The following RIC1 variants were observed in gnomAD, a reference collection of about 807,000 sequenced individuals.
The protein encoded by RIC1 is RIC1 partner of RAB6A GEF complex.
Under a neutral mutation model 169.0 loss-of-function variants are expected in RIC1, and 88 were observed. The ratio of observed to expected loss-of-function variants is 0.52; its 90% CI spans 0.44 to 0.62. RIC1 has a LOEUF of 0.62. Among genes scored for constraint, RIC1 ranks in the 20% least tolerant of loss-of-function variants. RIC1 has a pLI of 0.00. For synonymous variants in RIC1, 790 were observed against 601.5 expected (o/e 1.31, Z -4.59); for missense variants, 1,877 against 1,725.5 (o/e 1.09, Z -1.56).
chr9:5,681,970 A>G (rs937371918), intron 2 of RIC1, among the ~76,000 whole-genome samples: 6 of 152,162 alleles, frequency 3.9e-5, no homozygotes, highest in African/African-American at 1.4e-4. Flanking sequence ...ATCCGAGAGT[A>G]GGATTGCAAC....
At chr9:5,726,653 G>A (rs1039425479) in intron 6 of RIC1, among the ~76,000 whole-genome samples, 1 of 152,158 alleles carries the variant, frequency 6.6e-6, no homozygotes, top group African/African-American at 2.4e-5. Context: ...TAGCATCGAT[G>A]GTCTTTACAA....
chr9:5,776,290 C>G lies in RIC1; in HGVS notation c.*2044C>G, dbSNP rs1217611966. The G allele has an allele frequency of 3.3e-5, 5 of 152,008 alleles. No homozygotes were observed. The highest frequency in any genetic ancestry group is 1.2e-4 in the African/African-American group (5 of 41,394). The allele number at this position is 152,008 out of a possible 1,614,324, so 9.4% of individuals were successfully genotyped here. On this transcript the variant is annotated 3_prime_UTR_variant, in exon 26 of 26. Coordinates refer to ENST00000414202, the MANE Select transcript of RIC1 (RefSeq NM_020829.4). Reference sequence around the variant, plus strand: ...AATTTGGTAATTTATTTGTTATATACCTTAATTTTTAAAAACCCATTTTTA... The same window carrying G: ...AATTTGGTAATTTATTTGTTATATAGCTTAATTTTTAAAAACCCATTTTTA...
At chr9:5,756,508 A>G in intron 16 of RIC1, 136 bp downstream of exon 16, 1 of 474,656 alleles carries the variant, frequency 2.1e-6, no homozygotes, top group South Asian at 7.3e-5. Context: ...AAAAGCAAGG[A>G]GTTTTAATTA....
chr9:5,771,405 A>C (rs1363052195), intron 23 of RIC1, among the ~76,000 whole-genome samples: 1 of 152,148 alleles, frequency 6.6e-6, no homozygotes, highest in Non-Finnish European at 1.5e-5. Context: ...GTATGCAGAT[A>C]CCACGTTTTG....
intron 3 of RIC1, among the ~76,000 whole-genome samples, chr9:5,708,109 G>T (rs1210781869): frequency 6.6e-6 from 1 of 151,834 alleles, no homozygotes; most frequent in African/African-American, 2.4e-5. Context: ...TTAACATCTT[G>T]CATGTACAAC....
chr9:5,684,647 A>G (rs1821097417), intron 2 of RIC1, among the ~76,000 whole-genome samples: 1 of 152,118 alleles, frequency 6.6e-6, no homozygotes, highest in Non-Finnish European at 1.5e-5. Context: ...TAGGAGTCCT[A>G]TGCAAATGAC....
chr9:5,683,532 C>T (rs915387386), intron 2 of RIC1, among the ~76,000 whole-genome samples: 8 of 152,104 alleles, frequency 5.3e-5, no homozygotes, highest in African/African-American at 1.4e-4. Context: ...AGTACCCGGC[C>T]GTGTGAAGTG....
chr9:5,674,848 T>C (rs927662871), intron 2 of RIC1, among the ~76,000 whole-genome samples: 2 of 152,250 alleles, frequency 1.3e-5, no homozygotes, highest in African/African-American at 2.4e-5. Context: ...ACTGTGATTC[T>C]GTTTTTTTGT....
intron 6 of RIC1, among the ~76,000 whole-genome samples, chr9:5,725,037 G>A (rs1171716963): frequency 6.6e-6 from 1 of 152,106 alleles, no homozygotes; most frequent in Non-Finnish European, 1.5e-5. Flanking sequence ...TTGTGTCTCT[G>A]CCAGGCTTTG....
chr9:5,776,422 A>G lies in RIC1; in HGVS notation c.*2176A>G, dbSNP rs1324370229. The G allele has an allele frequency of 6.6e-6, 1 of 152,090 alleles. No homozygotes were observed. Among genetic ancestry groups the G allele is most frequent in the East Asian group, 1.9e-4 (1 of 5,202 alleles). 9.4% of individuals were successfully genotyped at this position (152,090 alleles called of 1,614,324 possible). On this transcript the variant is annotated 3_prime_UTR_variant, in exon 26 of 26. Coordinates refer to ENST00000414202, the MANE Select transcript of RIC1 (RefSeq NM_020829.4). Reference sequence around the variant, plus strand: ...GTTTACTAGATGCATTTATTAATAAATTATTTGCTGAAACCAAAACAAGTC... The same window carrying G: ...GTTTACTAGATGCATTTATTAATAAGTTATTTGCTGAAACCAAAACAAGTC...
At chr9:5,657,658 A>G (rs573761388) in intron 2 of RIC1, among the ~76,000 whole-genome samples, 7 of 152,190 alleles carry the variant, frequency 4.6e-5, no homozygotes, top group Admixed American at 4.6e-4. Flanking sequence ...TCTAGTCCAT[A>G]CTGTATATAA....
rs765238690 is a variant in RIC1, at chr9:5,720,263, T to A, written c.522T>A (p.Asn174Lys). The change falls in exon 5 of 26, where the codon AAT becomes AAA. Residue 174 changes from asparagine (N) to lysine (K), a missense_variant. Coordinates refer to ENST00000414202, the MANE Select transcript of RIC1 (RefSeq NM_020829.4). Reference sequence around the variant, plus strand: ...TTATTCACTGGGAAGGAATGACAAATGGAAGGAAAGCCATTAATCTTTGCA... The same window carrying A: ...TTATTCACTGGGAAGGAATGACAAAAGGAAGGAAAGCCATTAATCTTTGCA... ...LHLIHWEGMTNGRKAINLCTV... is the reference protein window; with the variant it reads ...LHLIHWEGMTKGRKAINLCTV... 2 of 1,613,690 alleles carry A rather than the reference T, an allele frequency of 1.2e-6. No homozygotes were observed.
chr9:5,726,061 T>C (rs1232750474), intron 6 of RIC1, among the ~76,000 whole-genome samples: 5 of 152,224 alleles, frequency 3.3e-5, no homozygotes, highest in African/African-American at 1.2e-4. Flanking sequence ...TGTAGATGTC[T>C]ATTAGGACCA....
At chr9:5,764,504 C>T (rs1010263370) in intron 19 of RIC1, among the ~76,000 whole-genome samples, 1 of 152,196 alleles carries the variant, frequency 6.6e-6, no homozygotes. Flanking sequence ...ATTTGATAGG[C>T]TACACTTAAA....
At chr9:5,649,882 G>A (rs1387975814) in intron 1 of RIC1, among the ~76,000 whole-genome samples, 2 of 152,140 alleles carry the variant, frequency 1.3e-5, no homozygotes, top group African/African-American at 4.8e-5. Context: ...TGGTTGGGTA[G>A]GGCACCTTGT....
intron 2 of RIC1, among the ~76,000 whole-genome samples, chr9:5,687,846 T>C (rs1438294054): frequency 6.6e-6 from 1 of 152,194 alleles, no homozygotes; most frequent in Non-Finnish European, 1.5e-5. Flanking sequence ...GGAGACTCTG[T>C]TTATATGTAT....
At chr9:5,689,161 G>A (rs767207367) in intron 2 of RIC1, among the ~76,000 whole-genome samples, 5 of 140,962 alleles carry the variant, frequency 3.5e-5, no homozygotes, top group Non-Finnish European at 7.5e-5. Flanking sequence ...CCATTCTCCT[G>A]CCTCAGCCTC....
At chr9:5,733,350 G>A (rs756340566) in intron 7 of RIC1, among the ~76,000 whole-genome samples, 3 of 149,922 alleles carry the variant, frequency 2.0e-5, no homozygotes, top group African/African-American at 4.9e-5. Context: ...TGCAAGCTCC[G>A]TCTCCTGGGT....
Position 5,663,799 on chromosome 9 carries a change from C to T in RIC1, c.252+7109C>T, listed in dbSNP as rs369968146. Among the ~76,000 whole-genome samples, 30 of 152,152 alleles carry T rather than the reference C, an allele frequency of 2.0e-4. No individual in the cohort carries two copies. The South Asian group carries it at 5.8e-3, about 30-fold the overall frequency. ...GTGTCTTTTAATTGGAGCATTTAGC[C>T]CATTTACATTTAAGGTTAGTATTGT... On this transcript the variant is annotated intron_variant, in intron 2 of 25. Coordinates refer to ENST00000414202, the MANE Select transcript of RIC1 (RefSeq NM_020829.4).
Sources: gnomAD v4.1 joint callset for allele counts (sites outside exome capture counted in the v4.1 genomes callset) on GRCh38, gnomAD v4.1.1 for gene constraint, MANE v1.5 for transcripts, NCBI Gene and HGNC (gene_info 2026-07-23, HGNC 2026-07-21) for gene names.